CEMIP: variants seen among roughly 807,000 people sequenced by gnomAD.
CEMIP encodes the protein cell migration inducing hyaluronidase 1, also known as cell migration-inducing and hyaluronan-binding protein.
CEMIP carries 105 observed loss-of-function variants against 156.9 expected under a neutral mutation model. The observed-to-expected ratio is 0.67, with a 90% confidence interval of 0.57 to 0.79. The LOEUF (loss-of-function observed/expected upper bound fraction) is 0.79, where lower values mean the gene tolerates loss of function less well. CEMIP is among the 30% of genes least tolerant of loss of function. The probability of loss-of-function intolerance (pLI) is 0.00; values close to 1 mark genes in which losing one functional copy is unlikely to be tolerated. For synonymous variants in CEMIP, 676 were observed against 668.4 expected (o/e 1.01, Z -0.17); for missense variants, 1,457 against 1,769.4 (o/e 0.82, Z 3.17).
At chr15:80,829,315 C>T (rs1265703707) in intron 1 of CEMIP, among the ~76,000 whole-genome samples, 1 of 152,210 alleles carries the variant, frequency 6.6e-6, no homozygotes, top group Non-Finnish European at 1.5e-5. Flanking sequence ...CACCCTCATA[C>T]GATTCCTGAT....
chr15:80,840,758 T>G (rs1371211658), intron 1 of CEMIP, among the ~76,000 whole-genome samples: 1 of 152,160 alleles, frequency 6.6e-6, no homozygotes, highest in Non-Finnish European at 1.5e-5. Context: ...CACTGCCGCC[T>G]GAGAGGGAGT....
chr15:80,887,795 C>T (rs1179773080), intron 8 of CEMIP, 31 bp downstream of exon 8: 1 of 1,533,112 alleles, frequency 6.5e-7, no homozygotes, highest in East Asian at 2.3e-5. Flanking sequence ...GGCCTGATTC[C>T]CTCCAGTGTC....
chr15:80,920,246 G>C lies in CEMIP; in HGVS notation c.1950G>C (p.Met650Ile). 1.2e-6 allele frequency: 2 copies of C among 1,614,216 alleles called. No homozygotes were observed. The highest frequency in any genetic ancestry group is 1.7e-6 in the Non-Finnish European group (2 of 1,180,042). ...ACCGTGACAGCAAGATGTGCAAGATGATCACAGAGGACTCCTACCCGGGGT... is the reference window on the plus strand; with the variant it reads ...ACCGTGACAGCAAGATGTGCAAGATCATCACAGAGGACTCCTACCCGGGGT... Reference protein sequence around the residue: ...PSDRDSKMCKMITEDSYPGYI... With the variant: ...PSDRDSKMCKIITEDSYPGYI... The change falls in exon 15 of 30, where the codon ATG (methionine) becomes ATC (isoleucine). Residue 650 changes from methionine (M) to isoleucine (I), a missense_variant. By Grantham distance (10) the Met-to-Ile change is conservative. Transcript: ENST00000394685.
intron 1 of CEMIP, among the ~76,000 whole-genome samples, chr15:80,797,260 A>G (rs1288281841): frequency 1.3e-5 from 2 of 152,236 alleles, no homozygotes; most frequent in Admixed American, 1.3e-4. Context: ...GTATTTGAAT[A>G]TAATCTGGGA....
intron 12 of CEMIP, among the ~76,000 whole-genome samples, chr15:80,902,670 G>A (rs901137012): frequency 6.6e-6 from 1 of 152,152 alleles, no homozygotes; most frequent in Non-Finnish European, 1.5e-5. Context: ...CTTGGCTGAC[G>A]GGAGTCTGAT....
At position 80,879,717 on chromosome 15, in the gene CEMIP, C is replaced by T. The variant is rs138850086; in HGVS notation, c.243C>T (p.Gly81=). Residue 81 remains glycine (G), a splice_region_variant and synonymous_variant, in exon 5 of 30, where the codon GGC becomes GGT. Transcript: ENST00000394685. The part of the protein sequence containing the change: ...TVYSIHISEG[G]KLVIKDHDEP... ...CTCCCCCCAATGCTACCTCTTCAGG[C>T]AAGCTGGTCATTAAAGACCACGACG... 2 of 1,614,076 alleles carry T rather than the reference C, an allele frequency of 1.2e-6. No individual in the cohort carries two copies. The highest frequency in any genetic ancestry group is 1.7e-5 in the Admixed American group (1 of 60,010).
At chr15:80,943,754 T>C (rs2141975703) in intron 28 of CEMIP, among the ~76,000 whole-genome samples, 1 of 152,294 alleles carries the variant, frequency 6.6e-6, no homozygotes. Context: ...TCTGCCACTC[T>C]GCCCCGGCCT....
At chr15:80,793,459 T>C (rs144402144) in intron 1 of CEMIP, among the ~76,000 whole-genome samples, 1 of 152,348 alleles carries the variant, frequency 6.6e-6, no homozygotes, top group Non-Finnish European at 1.5e-5. Flanking sequence ...GGTGGAACTC[T>C]GGTTATCACA....
At chr15:80,851,095 G>A (rs528846209) in intron 1 of CEMIP, among the ~76,000 whole-genome samples, 1 of 152,146 alleles carries the variant, frequency 6.6e-6, no homozygotes, top group East Asian at 1.9e-4. Context: ...CTGTGGACCT[G>A]TTGGCAGGGG....
intron 1 of CEMIP, among the ~76,000 whole-genome samples, chr15:80,805,992 C>T (rs945268984): frequency 6.6e-6 from 1 of 152,184 alleles, no homozygotes; most frequent in Non-Finnish European, 1.5e-5. Flanking sequence ...ATACCTTACA[C>T]TAAAAGAAAT....
chr15:80,874,977 T>G (rs1898421445), intron 3 of CEMIP, among the ~76,000 whole-genome samples: 1 of 151,942 alleles, frequency 6.6e-6, no homozygotes, highest in Non-Finnish European at 1.5e-5. Flanking sequence ...TCACTGTGAT[T>G]TTTTGAAGAA....
intron 1 of CEMIP, among the ~76,000 whole-genome samples, chr15:80,839,992 G>A (rs1897360239): frequency 2.6e-5 from 4 of 152,240 alleles, no homozygotes. Flanking sequence ...AGCTGGGAAA[G>A]GTGGGGTGGG....
rs371824221 is a variant in CEMIP at position 80,932,009 on chromosome 15, C to T, written c.2763C>T (p.Asn921=). Residue 921 remains asparagine (N), a synonymous_variant, in exon 22 of 30, where the codon AAC becomes AAT. Transcript: ENST00000394685. The surrounding 1 kb of genome is among the most constrained non-coding windows in gnomAD (Gnocchi z 4.5). ...CCTGGCAGAGCTGCCCCCATAACAA[C>T]GTGACCGGCATTGCCTTTGAGGACG... ...NNAWQSCPHN[N]VTGIAFEDVP... is the part of the protein sequence containing the mutation. 1,288 of 1,614,082 alleles carry T rather than the reference C, an allele frequency of 8.0e-4. 19 individuals carry two copies. In the South Asian group the frequency reaches 0.013, roughly 16 times the overall value.
At chr15:80,936,548 TA>T in intron 23 of CEMIP, 125 bp from the exon 24 acceptor site, 1 of 862,420 alleles carries the variant, frequency 1.2e-6, no homozygotes, top group East Asian at 2.4e-5. Flanking sequence ...TCAAGCCTTC[TA>T]AAAAGGGTTC....
chr15:80,790,845 A>G (rs1404631743), intron 1 of CEMIP, among the ~76,000 whole-genome samples: 1 of 152,164 alleles, frequency 6.6e-6, no homozygotes, highest in Non-Finnish European at 1.5e-5. Context: ...ACTCCGTTGC[A>G]TTTCCCTGCA....
In CEMIP at chr15:80,909,315, C is replaced by T. The variant is rs779834009; in HGVS notation, c.1797+9C>T. On this transcript the variant is annotated intron_variant, in intron 14 of 29. Transcript: ENST00000394685. ...GCTCCAATGGCTTGTTGGTAAGAAC[C>T]TCCTTCCCTCAGGGAACTCTGGGGA... is the stretch of plus-strand genomic sequence containing the variant. 6.2e-7 allele frequency: 1 copy of T among 1,613,814 alleles called. No homozygotes were observed. Among genetic ancestry groups the T allele is most frequent in the Admixed American group, 1.7e-5 (1 of 60,002 alleles).
At chr15:80,842,176 C>T (rs1345411990) in intron 1 of CEMIP, 4 of 452,238 alleles carry the variant, frequency 8.8e-6, no homozygotes, top group African/African-American at 8.4e-5. Flanking sequence ...ATATGTATTT[C>T]CTTTTCATCT....
At chr15:80,811,707 A>G (rs1487911755) in intron 1 of CEMIP, among the ~76,000 whole-genome samples, 1 of 152,144 alleles carries the variant, frequency 6.6e-6, no homozygotes, top group Non-Finnish European at 1.5e-5. Flanking sequence ...GGTGCTTGCC[A>G]CTAGGCCCGC....
chr15:80,882,783 TAC>T (rs1409446427), intron 6 of CEMIP, among the ~76,000 whole-genome samples: 1 of 145,214 alleles, frequency 6.9e-6, no homozygotes, highest in Non-Finnish European at 1.5e-5. Flanking sequence ...CACACACACA[TAC>T]ACACACACAA....
Sources: gnomAD v4.1 joint callset for allele counts (sites outside exome capture counted in the v4.1 genomes callset) on GRCh38, gnomAD v4.1.1 for gene constraint, Gnocchi (gnomAD v3.1) non-coding constraint, MANE v1.5 for transcripts, NCBI Gene and HGNC (gene_info 2026-07-23, HGNC 2026-07-21) for gene names.